RUBCNL: variants seen among roughly 807,000 people sequenced by gnomAD.
The protein encoded by RUBCNL is rubicon like autophagy enhancer.
A neutral mutation model predicts 69.5 loss-of-function variants in RUBCNL; 62 were observed. The observed-to-expected ratio is 0.89, with a 90% CI of 0.73 to 1.10. RUBCNL has a LOEUF of 1.10. RUBCNL is among the 50% of genes least tolerant of loss of function. The pLI, the probability that RUBCNL is intolerant of heterozygous loss-of-function variation, is 0.00. For synonymous variants in RUBCNL, 291 were observed against 303.6 expected (o/e 0.96, Z 0.43); for missense variants, 768 against 798.1 (o/e 0.96, Z 0.45).
chr13:46,373,448 A>G (rs2048922080), intron 2 of RUBCNL, among the ~76,000 whole-genome samples: 1 of 152,222 alleles, frequency 6.6e-6, no homozygotes, highest in East Asian at 1.9e-4. Flanking sequence ...CATAACATTT[A>G]AAGAACACAG....
intron 10 of RUBCNL, among the ~76,000 whole-genome samples, chr13:46,351,333 A>C (rs917537334): frequency 6.6e-6 from 1 of 152,200 alleles, no homozygotes. Context: ...CTCTGTTTTG[A>C]CTCAGCCTGT....
chr13:46,378,967 C>T (rs2049059698), intron 1 of RUBCNL, among the ~76,000 whole-genome samples: 1 of 152,118 alleles, frequency 6.6e-6, no homozygotes, highest in Non-Finnish European at 1.5e-5. Flanking sequence ...GGTAATTGCC[C>T]CTCCCAAACA....
chr13:46,345,497 A>G lies in RUBCNL; in HGVS notation c.1735T>C (p.Leu579=). 6.3e-7 allele frequency: 1 copy of G among 1,599,840 alleles called. No individual in the cohort carries two copies. Among genetic ancestry groups the G allele is most frequent in the Non-Finnish European group, 8.5e-7 (1 of 1,173,212 alleles). ...VRIKKGLLAP[L]LKDILKASLA... ...GAAGCTTTCAGAATGTCCTTGAGTA[A>G]GGGTGCCAGCAGCCCTTTCTTGATC... The change falls in exon 13 of 15, where the codon TTA becomes CTA. Residue 579 remains leucine (L), a synonymous_variant. Coordinates refer to ENST00000429979, the MANE Select transcript of RUBCNL (RefSeq NM_025113.5).
At chr13:46,385,031 TA>T (rs1433593903) in intron 1 of RUBCNL, among the ~76,000 whole-genome samples, 1 of 152,162 alleles carries the variant, frequency 6.6e-6, no homozygotes. Context: ...AGGACCCAAT[TA>T]AATATAATTT....
rs182041140 is a variant in RUBCNL at position 46,335,358 on chromosome 13, C to T, written c.*8027G>A. Among the ~76,000 whole-genome samples the T allele has an allele frequency of 3.6e-3, 540 of 150,180 alleles. 1 individual carries two copies. Among genetic ancestry groups the T allele is most frequent in the Non-Finnish European group, 6.4e-3 (431 of 67,868 alleles). ...GGCTCAAGTCATCCTCCTGCATTGGCCTCCCAAAGTGCTGGGATTACAGAC... is the reference window on the plus strand; with the variant it reads ...GGCTCAAGTCATCCTCCTGCATTGGTCTCCCAAAGTGCTGGGATTACAGAC... On this transcript the variant is annotated 3_prime_UTR_variant, in exon 15 of 15. Coordinates refer to ENST00000429979, the MANE Select transcript of RUBCNL (RefSeq NM_025113.5).
At chr13:46,354,597 C>T (rs1246861745) in intron 10 of RUBCNL, among the ~76,000 whole-genome samples, 1 of 152,192 alleles carries the variant, frequency 6.6e-6, no homozygotes, top group Non-Finnish European at 1.5e-5. Flanking sequence ...TTACTTGCCA[C>T]AGGCCCTTTG....
intron 4 of RUBCNL, 105 bp downstream of exon 4, chr13:46,368,628 C>T: frequency 1.5e-6 from 2 of 1,308,098 alleles, no homozygotes; most frequent in South Asian, 1.4e-5. Flanking sequence ...GAAAGGAAAC[C>T]TATTTGTAAT....
At chr13:46,383,901 C>A (rs1022234268) in intron 1 of RUBCNL, among the ~76,000 whole-genome samples, 2 of 152,340 alleles carry the variant, frequency 1.3e-5, no homozygotes, top group East Asian at 3.9e-4. Context: ...ACCCAGGAGG[C>A]CCAGGCTAAA....
At chr13:46,387,685 T>C (rs2049282040), upstream of RUBCNL, 2 of 984,508 alleles carry the variant, frequency 2.0e-6, no homozygotes, top group Admixed American at 1.2e-4. Flanking sequence ...ACCCGGAACG[T>C]GAGCTGTCTC....
chr13:46,387,483 C>G (rs1435125299), upstream of RUBCNL: 4 of 985,426 alleles, frequency 4.1e-6, no homozygotes, highest in South Asian at 4.7e-5. Context: ...GCGCCTCTGC[C>G]GGTCCTCCTA....
At chr13:46,361,181 C>T (rs1380094266) in intron 8 of RUBCNL, among the ~76,000 whole-genome samples, 1 of 152,030 alleles carries the variant, frequency 6.6e-6, no homozygotes, top group South Asian at 2.1e-4. Flanking sequence ...GCTGAGATTG[C>T]GCCACTGCAC....
At chr13:46,373,598 G>A (rs759064222) in intron 2 of RUBCNL, among the ~76,000 whole-genome samples, 7 of 152,194 alleles carry the variant, frequency 4.6e-5, no homozygotes, top group Non-Finnish European at 1.0e-4. Flanking sequence ...CTCGGGAAAT[G>A]TTTTGCTTTT....
Position 46,345,445 on chromosome 13 carries a change from A to G in RUBCNL, c.1785+2T>C. The stretch of plus-strand genomic sequence containing the variant: ...ACGAATCTGCTCTGGGTGCACCCTC[A>G]CCTCACAGCCAGCCACATGTGCAAG... On this transcript the variant is annotated splice_donor_variant, in intron 13 of 14. Transcript: ENST00000429979. LOFTEE classifies it high-confidence loss of function. 2 of 1,556,428 alleles carry G rather than the reference A, an allele frequency of 1.3e-6. No homozygotes were observed. Among genetic ancestry groups the G allele is most frequent in the Non-Finnish European group, 1.7e-6 (2 of 1,150,062 alleles).
rs188297066 is a variant in RUBCNL, at chr13:46,380,020, A to G, written c.-238-2015T>C. ...TTTTCTTATTTCATCTATATACTCT[A>G]TACTATGTTGTAATAAAAGCAGCAG... On this transcript the variant is annotated intron_variant, in intron 1 of 14. Transcript: ENST00000429979. Among the ~76,000 whole-genome samples, 204 of 152,346 alleles carry G rather than the reference A, an allele frequency of 1.3e-3. 1 individual carries two copies. The highest frequency in any genetic ancestry group is 3.7e-3 in the Admixed American group (56 of 15,306).
Position 46,338,448 on chromosome 13 carries a change from A to T in RUBCNL, c.*4937T>A, listed in dbSNP as rs1337116955. Among the ~76,000 whole-genome samples, 1 of 152,034 alleles carries T rather than the reference A, an allele frequency of 6.6e-6. No individual in the cohort carries two copies. The highest frequency in any genetic ancestry group is 1.9e-4 in the East Asian group (1 of 5,154). On this transcript the variant is annotated 3_prime_UTR_variant, in exon 15 of 15. Coordinates refer to ENST00000429979, the MANE Select transcript of RUBCNL (RefSeq NM_025113.5). ...CAGTTCACTTTCAGGAGGCTGGACC[A>T]GGGGAAAGACCTGAGCAGCCCTAAA...
upstream of RUBCNL, chr13:46,387,702 A>C (rs1353246477): frequency 4.1e-6 from 4 of 985,300 alleles, no homozygotes; most frequent in Non-Finnish European, 4.8e-6. Context: ...TCTCTCTCTG[A>C]CCTCTGCTGG....
At chr13:46,387,321 G>C, upstream of RUBCNL, 1 of 985,254 alleles carries the variant, frequency 1.0e-6, no homozygotes, top group African/African-American at 1.7e-5. Context: ...CTCCCACACG[G>C]GGGCCACCGT....
intron 3 of RUBCNL, among the ~76,000 whole-genome samples, chr13:46,369,823 G>A (rs2048839017): frequency 6.6e-6 from 1 of 152,242 alleles, no homozygotes; most frequent in Non-Finnish European, 1.5e-5. Flanking sequence ...TCAGCATGAT[G>A]GAGTTGCAAG....
upstream of RUBCNL, chr13:46,387,912 G>C (rs143947201): frequency 1.8e-3 from 1,670 of 949,610 alleles, 25 homozygotes; most frequent in African/African-American, 0.027. Flanking sequence ...GTCACGAATA[G>C]AAACCTAAGC....
Sources: allele counts gnomAD v4.1 joint callset (sites outside exome capture counted in the v4.1 genomes callset), GRCh38; gene constraint gnomAD v4.1.1; transcripts MANE v1.5; gene names NCBI Gene and HGNC (gene_info 2026-07-23, HGNC 2026-07-21).